The following SGTA variants were observed in gnomAD, a reference collection of about 807,000 sequenced individuals.
SGTA encodes the protein small glutamine-rich tetratricopeptide repeat-containing protein alpha.
SGTA carries 22 observed loss-of-function variants against 44.3 expected under a neutral mutation model. The ratio of observed to expected loss-of-function variants is 0.50; its 90% CI spans 0.36 to 0.71. The LOEUF is 0.71. Ranked by LOEUF, SGTA falls within the 30% of genes least tolerant of loss-of-function variation. The pLI is 0.00. For missense variants in SGTA, 341 were observed against 435.9 expected (o/e 0.78, Z 1.94); for synonymous variants, 174 against 177.6 (o/e 0.98, Z 0.16).
At chr19:2,757,504 T>C (rs1422623947) in intron 10 of SGTA, 47 bp from the exon 11 acceptor site, 2 of 1,591,766 alleles carry the variant, frequency 1.3e-6, no homozygotes, top group Non-Finnish European at 8.5e-7. Context: ...GGAGGCTGCC[T>C]GCTGCCTCCG....
chr19:2,769,032 G>A lies in SGTA; in HGVS notation c.37C>T (p.Gln13Ter). The change falls in exon 2 of 12, where the codon CAG becomes TAG. Residue 13 changes from glutamine (Q) to a stop codon, truncating the protein, a stop_gained. Coordinates refer to ENST00000221566, the MANE Select transcript of SGTA (RefSeq NM_003021.4). LOFTEE classifies it high-confidence loss of function. Reference sequence around the variant, plus strand: ...TGCCGGAGCTGGTCATGCAGGAACTGGATGATGGCGTAGGCCAGGCGCTTC... The same window carrying A: ...TGCCGGAGCTGGTCATGCAGGAACTAGATGATGGCGTAGGCCAGGCGCTTC... ...NKKRLAYAII[Q>*]FLHDQLRHGG... is the part of the protein sequence containing the mutation. The A allele has an allele frequency of 6.2e-7, 1 of 1,614,026 alleles. No individual in the cohort carries two copies. The highest frequency in any genetic ancestry group is 8.5e-7 in the Non-Finnish European group (1 of 1,179,956).
intron 5 of SGTA, among the ~76,000 whole-genome samples, chr19:2,764,019 T>C (rs1309018059): frequency 1.3e-5 from 2 of 152,216 alleles, no homozygotes; most frequent in East Asian, 3.8e-4. Context: ...TTCCGATCCA[T>C]GGCTGTACAA....
chr19:2,761,307 C>A lies in SGTA; in HGVS notation c.699+153G>T, dbSNP rs1055350460. Among the ~76,000 whole-genome samples the A allele has an allele frequency of 1.3e-5, 2 of 152,154 alleles. No individual in the cohort carries two copies. Among genetic ancestry groups the A allele is most frequent in the Admixed American group, 1.3e-4 (2 of 15,276 alleles). On this transcript the variant is annotated intron_variant, in intron 8 of 11. Transcript: ENST00000221566. This position sits in a 1 kb window ranked among gnomAD's most constrained non-coding sequence, Gnocchi z 5.7. ...GGCCAGGGGTGCTGCCAGCGCCCTG[C>A]GGTGCCCAGGACGACCCCACAGACA...
chr19:2,767,483 G>T lies in SGTA; in HGVS notation c.207+97C>A. 9.8e-7 allele frequency: 1 copy of T among 1,016,142 alleles called. No individual in the cohort carries two copies. The highest frequency in any genetic ancestry group is 1.5e-6 in the Non-Finnish European group (1 of 659,436). 62.9% of individuals were successfully genotyped at this position (1,016,142 alleles called of 1,614,324 possible). A position where few individuals can be genotyped will look rare whatever the true frequency, so the allele number is the denominator to read the frequency against. ...CAGGAGAGGATGCAGGCAGAGTGCT[G>T]GGGGACGATGAGAGCGGGGCTCCTG... On this transcript the variant is annotated intron_variant, in intron 3 of 11. Coordinates refer to ENST00000221566, the MANE Select transcript of SGTA (RefSeq NM_003021.4). This position sits in a 1 kb window ranked among gnomAD's most constrained non-coding sequence, Gnocchi z 7.3.
At chr19:2,769,857 G>A (rs1290340384) in intron 1 of SGTA, among the ~76,000 whole-genome samples, 11 of 113,818 alleles carry the variant, frequency 9.7e-5, no homozygotes, top group Non-Finnish European at 1.8e-4. Flanking sequence ...TTCCCCCAGC[G>A]GACACCAGCC....
At chr19:2,757,286 G>T in intron 11 of SGTA, 51 bp downstream of exon 11, 1 of 1,583,098 alleles carries the variant, frequency 6.3e-7, no homozygotes, top group Non-Finnish European at 8.5e-7. Flanking sequence ...AGGCACTCAC[G>T]TGGTGTCACT....
At position 2,761,916 on chromosome 19, in the gene SGTA, A is replaced by G. The variant is rs1915005487; in HGVS notation, c.637-394T>C. Reference sequence around the variant, plus strand: ...CAGCGCGACCGCCCGGGGACGGCACAGTCTATCATCCCGTGTTGATTTCCT... The same window carrying G: ...CAGCGCGACCGCCCGGGGACGGCACGGTCTATCATCCCGTGTTGATTTCCT... On this transcript the variant is annotated intron_variant, in intron 7 of 11. Coordinates refer to ENST00000221566, the MANE Select transcript of SGTA (RefSeq NM_003021.4). The surrounding 1 kb of genome is among the most constrained non-coding windows in gnomAD (Gnocchi z 5.7). 6.7e-6 allele frequency among the ~76,000 whole-genome samples: 1 copy of G among 148,676 alleles called. No homozygotes were observed. Among genetic ancestry groups the G allele is most frequent in the Admixed American group, 6.7e-5 (1 of 15,026 alleles).
intron 1 of SGTA, among the ~76,000 whole-genome samples, chr19:2,774,944 T>G (rs1369424096): frequency 2.6e-5 from 4 of 152,170 alleles, no homozygotes; most frequent in African/African-American, 9.7e-5. Flanking sequence ...AGACACTTGG[T>G]GTTGTCTCAC....
chr19:2,776,023 G>A (rs899898865), intron 1 of SGTA, among the ~76,000 whole-genome samples: 10 of 152,100 alleles, frequency 6.6e-5, no homozygotes, highest in Admixed American at 2.0e-4. Context: ...TAGAGCCGGC[G>A]GGCAGCCAGT....
chr19:2,780,918 C>T (rs1915559754), intron 1 of SGTA, among the ~76,000 whole-genome samples: 1 of 152,156 alleles, frequency 6.6e-6, no homozygotes, highest in South Asian at 2.1e-4. Context: ...AACCCCATCT[C>T]TAAAACAAAA....
At position 2,757,462 on chromosome 19, in the gene SGTA, G is replaced by A. The variant is rs1047563843; in HGVS notation, c.828-5C>T. 7.5e-6 allele frequency: 12 copies of A among 1,606,698 alleles called. No homozygotes were observed. The East Asian group carries it at 1.1e-4, about 15-fold the overall frequency. On this transcript the variant is annotated splice_region_variant and splice_polypyrimidine_tract_variant and intron_variant, in intron 10 of 11. Transcript: ENST00000221566. Reference sequence around the variant, plus strand: ...TGCTGGGCAAACTGCTGGCCCCTGCGGGGAAGGGCACATGGGGCTCAGCCA... The same window carrying A: ...TGCTGGGCAAACTGCTGGCCCCTGCAGGGAAGGGCACATGGGGCTCAGCCA...
intron 4 of SGTA, among the ~76,000 whole-genome samples, chr19:2,766,147 C>CA (rs1351365826): frequency 6.6e-6 from 1 of 152,054 alleles, no homozygotes; most frequent in Admixed American, 6.6e-5. Context: ...ACCAGGGAGT[C>CA]AGAGGTTGCA....
At chr19:2,756,453 CA>C (rs778897952) in intron 11 of SGTA, among the ~76,000 whole-genome samples, 1,901 of 73,496 alleles carry the variant, frequency 0.026, 19 homozygotes, top group African/African-American at 0.066. Flanking sequence ...AGGACGGTCT[CA>C]AAAAAAAAAA....
At chr19:2,757,827 C>G (rs919135087) in intron 9 of SGTA, 45 bp from the exon 10 acceptor site, 27 of 1,359,100 alleles carry the variant, frequency 2.0e-5, no homozygotes, top group Non-Finnish European at 2.7e-5. Flanking sequence ...AGCCTGACCG[C>G]CACCCCCACT....
At chr19:2,768,233 C>CTG (rs1915205036) in intron 2 of SGTA, among the ~76,000 whole-genome samples, 2 of 152,150 alleles carry the variant, frequency 1.3e-5, no homozygotes, top group South Asian at 4.1e-4. Flanking sequence ...CCCACCGAGC[C>CTG]AGACAACACT....
At chr19:2,759,346 C>T in intron 8 of SGTA, 52 bp from the exon 9 acceptor site, 1 of 1,550,070 alleles carries the variant, frequency 6.5e-7, no homozygotes, top group Non-Finnish European at 8.9e-7. Flanking sequence ...GCGCATCATT[C>T]TCTTTCATCA....
chr19:2,781,080 C>A (rs2144745539), intron 1 of SGTA, among the ~76,000 whole-genome samples: 1 of 152,350 alleles, frequency 6.6e-6, no homozygotes, highest in East Asian at 1.9e-4. Context: ...AAGACCCTAT[C>A]TCAAACCACC....
chr19:2,759,994 G>C (rs1914938233), intron 8 of SGTA, among the ~76,000 whole-genome samples: 1 of 151,952 alleles, frequency 6.6e-6, no homozygotes, highest in Admixed American at 6.6e-5. Context: ...TAAATAAATA[G>C]CACTATACTG....
chr19:2,770,775 A>C (rs1915284766), intron 1 of SGTA: 1 of 153,210 alleles, frequency 6.5e-6, no homozygotes. Context: ...TGGCCACACG[A>C]AGAGAGGTGA....
Sources: allele counts gnomAD v4.1 joint callset (sites outside exome capture counted in the v4.1 genomes callset), GRCh38; gene constraint gnomAD v4.1.1; non-coding constraint Gnocchi (gnomAD v3.1); transcripts MANE v1.5; gene names NCBI Gene and HGNC (gene_info 2026-07-23, HGNC 2026-07-21).